TINAG: variants seen among roughly 807,000 people sequenced by gnomAD.
The protein encoded by TINAG is tubulointerstitial nephritis antigen.
TINAG carries 83 observed loss-of-function variants against 72.7 expected under a neutral mutation model. The observed-to-expected ratio is 1.14, with a 90% CI of 0.96 to 1.37. The LOEUF (loss-of-function observed/expected upper bound fraction) is 1.37, where lower values mean the gene tolerates loss of function less well. TINAG is among the 40% of genes most tolerant of loss of function. TINAG has a pLI of 0.00. For missense variants in TINAG, 685 were observed against 576.6 expected, an observed-to-expected ratio of 1.19 and a Z score of -1.93; for synonymous variants, 234 against 189.9, an observed-to-expected ratio of 1.23 and a Z score of -1.91.
chr6:54,321,172 T>C, intron 2 of TINAG, 125 bp from the exon 3 acceptor site: 3 of 755,436 alleles, frequency 4.0e-6, no homozygotes, highest in Non-Finnish European at 6.7e-6. Context: ...AAGAATCAAA[T>C]AACCATATGG....
intron 3 of TINAG, among the ~76,000 whole-genome samples, chr6:54,325,014 A>T (rs1053065543): frequency 6.6e-6 from 1 of 152,168 alleles, no homozygotes; most frequent in African/African-American, 2.4e-5. Context: ...CATTTTACTT[A>T]TCTGTCATTC....
intron 4 of TINAG, among the ~76,000 whole-genome samples, chr6:54,337,069 AT>A (rs952406691): frequency 4.0e-5 from 6 of 151,864 alleles, no homozygotes; most frequent in South Asian, 2.1e-4. Context: ...GAAATGGAAA[AT>A]TTTTTTAATC....
At chr6:54,310,759 T>C (rs191657895) in intron 1 of TINAG, among the ~76,000 whole-genome samples, 1,811 of 148,002 alleles carry the variant, frequency 0.012, 46 homozygotes, top group African/African-American at 0.043. Flanking sequence ...TCTTTCTTTT[T>C]TCTCTCTCTT....
At chr6:54,338,588 G>C (rs1222662972) in intron 4 of TINAG, among the ~76,000 whole-genome samples, 1 of 151,892 alleles carries the variant, frequency 6.6e-6, no homozygotes, top group Admixed American at 6.6e-5. Context: ...GCCGGGTGTG[G>C]TGGCACGTGT....
intron 10 of TINAG, among the ~76,000 whole-genome samples, chr6:54,381,647 C>G (rs537289362): frequency 6.6e-6 from 1 of 151,972 alleles, no homozygotes; most frequent in South Asian, 2.1e-4. Context: ...TATAATTTTT[C>G]TCATTAAAAT....
At chr6:54,313,835 A>G (rs1161901691) in intron 1 of TINAG, among the ~76,000 whole-genome samples, 1 of 152,212 alleles carries the variant, frequency 6.6e-6, no homozygotes, top group African/African-American at 2.4e-5. Flanking sequence ...AAAGATATTT[A>G]GAAAATATCA....
At chr6:54,329,209 A>C (rs1048374040) in intron 4 of TINAG, among the ~76,000 whole-genome samples, 1 of 152,156 alleles carries the variant, frequency 6.6e-6, no homozygotes. Flanking sequence ...AAAAAATGTT[A>C]AGAAGAGTCA....
At chr6:54,343,378 A>T in intron 5 of TINAG, 29 bp downstream of exon 5, 1 of 1,470,168 alleles carries the variant, frequency 6.8e-7, no homozygotes, top group East Asian at 2.5e-5. Context: ...TTCCTTCCTT[A>T]TAAACTACTC....
chr6:54,336,931 A>C (rs980983555), intron 4 of TINAG, among the ~76,000 whole-genome samples: 1 of 152,240 alleles, frequency 6.6e-6, no homozygotes, highest in East Asian at 1.9e-4. Flanking sequence ...ATATATATTA[A>C]GGTATTGGCA....
At chr6:54,380,345 T>C (rs543046160) in intron 9 of TINAG, among the ~76,000 whole-genome samples, 181 bp from the exon 10 acceptor site, 111 of 152,208 alleles carry the variant, frequency 7.3e-4, no homozygotes, top group African/African-American at 2.4e-3. Flanking sequence ...AATAATGTTA[T>C]GGTAAAGAAG....
intron 9 of TINAG, among the ~76,000 whole-genome samples, chr6:54,363,227 G>A (rs1335084780): frequency 6.6e-6 from 1 of 151,634 alleles, no homozygotes; most frequent in Non-Finnish European, 1.5e-5. Context: ...TGTTAAGTAT[G>A]TGGTTAAAGA....
chr6:54,356,304 G>A (rs1370799976), intron 9 of TINAG, among the ~76,000 whole-genome samples: 1 of 151,916 alleles, frequency 6.6e-6, no homozygotes, highest in African/African-American at 2.4e-5. Context: ...GGAGGGCAAG[G>A]CGAGTGGATT....
intron 4 of TINAG, among the ~76,000 whole-genome samples, chr6:54,331,484 A>G (rs1405953826): frequency 1.3e-5 from 2 of 152,200 alleles, no homozygotes; most frequent in Non-Finnish European, 2.9e-5. Flanking sequence ...ATCTATGACA[A>G]ACCCACAGCC....
chr6:54,357,023 CA>C lies in TINAG; in HGVS notation c.1250+2388del, dbSNP rs1438267657. 2.0e-5 allele frequency among the ~76,000 whole-genome samples: 3 copies of C among 151,898 alleles called. No individual in the cohort carries two copies. The East Asian group carries it at 5.8e-4, about 30-fold the overall frequency. ...TGCAAGATTTGCCTGGAATCACTTT[CA>C]GTTCTCTTTCCAATCTTTCTTAAAC... On this transcript the variant is annotated intron_variant, in intron 9 of 10. Coordinates refer to ENST00000259782, the MANE Select transcript of TINAG (RefSeq NM_014464.4).
intron 8 of TINAG, among the ~76,000 whole-genome samples, chr6:54,354,248 G>A (rs1172424695): frequency 1.3e-5 from 2 of 151,836 alleles, no homozygotes; most frequent in Non-Finnish European, 2.9e-5. Context: ...TTTGGTAGTA[G>A]CGTCTCTGTT....
intron 1 of TINAG, among the ~76,000 whole-genome samples, chr6:54,316,138 T>C (rs1284195399): frequency 6.6e-6 from 1 of 152,170 alleles, no homozygotes; most frequent in African/African-American, 2.4e-5. Flanking sequence ...GAGGTAGAAC[T>C]CTGTTACCTA....
chr6:54,312,775 T>C (rs528116447), intron 1 of TINAG, among the ~76,000 whole-genome samples: 1 of 152,292 alleles, frequency 6.6e-6, no homozygotes, highest in Non-Finnish European at 1.5e-5. Context: ...AATTGAAAAA[T>C]CTGACAATTC....
chr6:54,374,653 C>T (rs1165241852), intron 9 of TINAG, among the ~76,000 whole-genome samples: 3 of 152,064 alleles, frequency 2.0e-5, no homozygotes, highest in Non-Finnish European at 4.4e-5. Context: ...GGAACTAAGA[C>T]TCTATCTGTA....
chr6:54,384,611 G>A (rs545630712), intron 10 of TINAG, among the ~76,000 whole-genome samples: 4 of 151,968 alleles, frequency 2.6e-5, no homozygotes, highest in East Asian at 3.9e-4. Context: ...TGAAGATAAC[G>A]TGCCAACATG....
Sources: gnomAD v4.1 joint callset for allele counts (sites outside exome capture counted in the v4.1 genomes callset) on GRCh38, gnomAD v4.1.1 for gene constraint, MANE v1.5 for transcripts, NCBI Gene and HGNC (gene_info 2026-07-23, HGNC 2026-07-21) for gene names.